The following GMDS variants were observed in gnomAD, a reference collection of about 807,000 sequenced individuals.
GMDS encodes GDP-mannose 4,6 dehydratase.
Under a neutral mutation model 49.9 loss-of-function variants are expected in GMDS, and 20 were observed. That is an observed-to-expected ratio of 0.40 (90% CI 0.28 to 0.58). The LOEUF (loss-of-function observed/expected upper bound fraction) is 0.58. GMDS is among the 20% of genes least tolerant of loss of function. GMDS has a pLI of 0.42. For missense variants in GMDS, 362 were observed against 481.4 expected (o/e 0.75, Z 2.32); for synonymous variants, 177 against 178.6 (o/e 0.99, Z 0.07).
chr6:1,853,294 G>A (rs1561846462), intron 7 of GMDS, among the ~76,000 whole-genome samples: 2 of 151,388 alleles, frequency 1.3e-5, no homozygotes, highest in South Asian at 2.1e-4. Flanking sequence ...CGAGGCGGGC[G>A]GATCACGAGG....
At chr6:1,988,866 C>CA (rs34424322) in intron 4 of GMDS, among the ~76,000 whole-genome samples, 3,410 of 136,824 alleles carry the variant, frequency 0.025, 89 homozygotes, top group African/African-American at 0.075. Context: ...AGGTGAGAAC[C>CA]AAAAAAAAAA....
chr6:2,186,359 A>T (rs959314708), intron 1 of GMDS, among the ~76,000 whole-genome samples: 1 of 152,214 alleles, frequency 6.6e-6, no homozygotes, highest in Non-Finnish European at 1.5e-5. Flanking sequence ...CAAAAATACC[A>T]ATTAATGAAA....
chr6:2,056,229 T>C (rs1770770564), intron 4 of GMDS, among the ~76,000 whole-genome samples: 1 of 152,168 alleles, frequency 6.6e-6, no homozygotes, highest in South Asian at 2.1e-4. Flanking sequence ...CTCTACAAGA[T>C]AGATACTATT....
intron 7 of GMDS, among the ~76,000 whole-genome samples, chr6:1,917,113 G>C (rs1761445799): frequency 6.6e-6 from 1 of 152,110 alleles, no homozygotes; most frequent in East Asian, 1.9e-4. Flanking sequence ...GGTTTCACAG[G>C]ATGATTAGAG....
intron 7 of GMDS, among the ~76,000 whole-genome samples, chr6:1,903,600 T>C (rs1349076720): frequency 6.6e-6 from 1 of 152,220 alleles, no homozygotes; most frequent in African/African-American, 2.4e-5. Context: ...GAAACCTCTT[T>C]ACTTGGTTCA....
intron 7 of GMDS, among the ~76,000 whole-genome samples, chr6:1,843,505 C>A (rs189934796): frequency 2.6e-5 from 4 of 152,180 alleles, no homozygotes; most frequent in African/African-American, 9.6e-5. Flanking sequence ...TGGTGGCTCA[C>A]GCCTGTAATC....
chr6:1,851,879 C>T (rs1008478416), intron 7 of GMDS, among the ~76,000 whole-genome samples: 1 of 152,208 alleles, frequency 6.6e-6, no homozygotes, highest in African/African-American at 2.4e-5. Context: ...GCTCCACCCA[C>T]AGCAGACATC....
At chr6:1,779,305 C>T (rs1056840927) in intron 7 of GMDS, among the ~76,000 whole-genome samples, 4 of 152,082 alleles carry the variant, frequency 2.6e-5, no homozygotes, top group Non-Finnish European at 5.9e-5. Flanking sequence ...GCCTCCTGGC[C>T]GGGGGAAGTA....
intron 4 of GMDS, among the ~76,000 whole-genome samples, chr6:1,980,631 T>G (rs1467613382): frequency 6.6e-6 from 1 of 152,124 alleles, no homozygotes; most frequent in Non-Finnish European, 1.5e-5. Context: ...CTGATAATAT[T>G]AGACAGATCA....
intron 4 of GMDS, among the ~76,000 whole-genome samples, chr6:1,973,761 A>G (rs1561937468): frequency 6.6e-6 from 1 of 152,196 alleles, no homozygotes; most frequent in Non-Finnish European, 1.5e-5. Context: ...CTTGGCATCT[A>G]AATAGCTAAT....
At chr6:2,242,059 T>C (rs1489496119) in intron 1 of GMDS, among the ~76,000 whole-genome samples, 1 of 152,128 alleles carries the variant, frequency 6.6e-6, no homozygotes, top group African/African-American at 2.4e-5. Flanking sequence ...AGACAAAAGA[T>C]ATGAAATTAC....
intron 7 of GMDS, among the ~76,000 whole-genome samples, chr6:1,853,749 A>G (rs1453450702): frequency 2.0e-5 from 3 of 152,214 alleles, no homozygotes; most frequent in Non-Finnish European, 4.4e-5. Flanking sequence ...GGGAGATAGA[A>G]CCAAAAGACA....
At chr6:1,764,666 G>A (rs1768282113) in intron 7 of GMDS, among the ~76,000 whole-genome samples, 1 of 152,182 alleles carries the variant, frequency 6.6e-6, no homozygotes. Context: ...AAGATATGAT[G>A]TGATAATTCC....
intron 1 of GMDS, among the ~76,000 whole-genome samples, chr6:2,148,983 C>A (rs1776712215): frequency 6.6e-6 from 1 of 152,178 alleles, no homozygotes; most frequent in South Asian, 2.1e-4. Context: ...GCTTCCACAG[C>A]ATGGTTACGA....
At chr6:2,061,843 AG>A (rs758921670) in intron 4 of GMDS, among the ~76,000 whole-genome samples, 26 of 152,032 alleles carry the variant, frequency 1.7e-4, no homozygotes, top group Non-Finnish European at 3.1e-4. Context: ...AGGAGACTAG[AG>A]GGTAGAGGAA....
chr6:1,840,632 G>A (rs924246487), intron 7 of GMDS, among the ~76,000 whole-genome samples: 20 of 152,128 alleles, frequency 1.3e-4, no homozygotes, highest in African/African-American at 4.8e-4. Context: ...CCAGATGCTC[G>A]TTTTTGGCTA....
chr6:2,139,719 T>G (rs1753041961), intron 1 of GMDS, among the ~76,000 whole-genome samples: 1 of 152,212 alleles, frequency 6.6e-6, no homozygotes, highest in South Asian at 2.1e-4. Flanking sequence ...ACAGTCTGAC[T>G]CCAGAGACTC....
chr6:2,215,835 G>A (rs573609721), intron 1 of GMDS, among the ~76,000 whole-genome samples: 1 of 152,266 alleles, frequency 6.6e-6, no homozygotes, highest in Non-Finnish European at 1.5e-5. Flanking sequence ...ACATCTAATT[G>A]TGTTAACAAA....
At chr6:2,189,496 AAAAGTCCCAC>A (rs1778923555) in intron 1 of GMDS, among the ~76,000 whole-genome samples, 1 of 152,174 alleles carries the variant, frequency 6.6e-6, no homozygotes, top group South Asian at 2.1e-4. Flanking sequence ...GTCCTCCCCC[AAAAGTCCCAC>A]CCTAAGAAAT....
Sources: allele counts gnomAD v4.1 joint callset (sites outside exome capture counted in the v4.1 genomes callset), GRCh38; gene constraint gnomAD v4.1.1; transcripts MANE v1.5; gene names NCBI Gene and HGNC (gene_info 2026-07-23, HGNC 2026-07-21).